OR1C1: variants seen among roughly 807,000 people sequenced by gnomAD.
The protein encoded by OR1C1 is olfactory receptor 1C1.
For missense variants in OR1C1, 407 were observed against 384.3 expected, an observed-to-expected ratio of 1.06 and a Z score of -0.49; for synonymous variants, 153 against 154.6, an observed-to-expected ratio of 0.99 and a Z score of 0.08.
Position 247,756,746 on chromosome 1 carries a change from C to G in OR1C1, c.*716G>C, listed in dbSNP as rs1302118677. The G allele has an allele frequency of 6.6e-6, 1 of 152,070 alleles. No homozygotes were observed. The highest frequency in any genetic ancestry group is 2.4e-5 in the African/African-American group (1 of 41,412). The allele number at this position is 152,070 out of a possible 1,614,324, so 9.4% of individuals were successfully genotyped here. A position where few individuals can be genotyped will look rare whatever the true frequency, so the allele number is the denominator to read the frequency against. On this transcript the variant is annotated 3_prime_UTR_variant, in exon 2 of 2. Transcript: ENST00000641256. The surrounding 1 kb of genome is among the most constrained non-coding windows in gnomAD (Gnocchi z 4.3). Reference sequence around the variant, plus strand: ...TTGTTTTGAAAGAAGTTAATGTATTCCCCATATGAAAAATGCAGCTGAGAA... The same window carrying G: ...TTGTTTTGAAAGAAGTTAATGTATTGCCCATATGAAAAATGCAGCTGAGAA...
At chr1:247,759,423 T>C (rs1661291429) in intron 1 of OR1C1, among the ~76,000 whole-genome samples, 1 of 152,212 alleles carries the variant, frequency 6.6e-6, no homozygotes, top group Non-Finnish European at 1.5e-5. Context: ...TCTGAGGCCT[T>C]TCTAGTCTTT....
intron 1 of OR1C1, 195 bp from the exon 2 acceptor site, chr1:247,758,614 G>A: frequency 2.0e-6 from 1 of 503,792 alleles, no homozygotes; most frequent in East Asian, 3.1e-5. Flanking sequence ...TAGTCACATA[G>A]ACATGCTGGA....
chr1:247,756,154 G>C lies in OR1C1; in HGVS notation c.*1308C>G, dbSNP rs1416843052. On this transcript the variant is annotated 3_prime_UTR_variant, in exon 2 of 2. Coordinates refer to ENST00000641256, the MANE Select transcript of OR1C1 (RefSeq NM_012353.3). The surrounding 1 kb of genome is among the most constrained non-coding windows in gnomAD (Gnocchi z 4.3). ...TTAAACTGTTATTTTAGATTCAGGG[G>C]TACATGTGCAGATTTGCACAGGTAA... 6.6e-6 allele frequency: 1 copy of C among 152,000 alleles called. No homozygotes were observed. The highest frequency in any genetic ancestry group is 1.9e-4 in the East Asian group (1 of 5,186). The allele number at this position is 152,000 out of a possible 1,614,324, so 9.4% of individuals were successfully genotyped here.
In OR1C1 at chr1:247,755,231, A is replaced by T. The variant is rs1374019782; in HGVS notation, c.*2231T>A. Reference sequence around the variant, plus strand: ...AACTAATAGAAGAAAGCACAGGGGGAAAGCTCTATGACATTGGTATGCATG... The same window carrying T: ...AACTAATAGAAGAAAGCACAGGGGGTAAGCTCTATGACATTGGTATGCATG... On this transcript the variant is annotated 3_prime_UTR_variant, in exon 2 of 2. Coordinates refer to ENST00000641256, the MANE Select transcript of OR1C1 (RefSeq NM_012353.3). 6.6e-6 allele frequency: 1 copy of T among 152,172 alleles called. No homozygotes were observed. The highest frequency in any genetic ancestry group is 1.5e-5 in the Non-Finnish European group (1 of 68,010). 9.4% of individuals were successfully genotyped at this position (152,172 alleles called of 1,614,324 possible).
chr1:247,758,763 G>T, intron 1 of OR1C1: 2 of 179,842 alleles, frequency 1.1e-5, no homozygotes, highest in East Asian at 1.4e-4. Context: ...TTATATATAA[G>T]GTTATTTGTT....
In OR1C1 at chr1:247,756,076, T is replaced by G. The variant is rs1371112320; in HGVS notation, c.*1386A>C. 1 of 152,210 alleles carries G rather than the reference T, an allele frequency of 6.6e-6. No individual in the cohort carries two copies. The allele number at this position is 152,210 out of a possible 1,614,324, so 9.4% of individuals were successfully genotyped here. A position where few individuals can be genotyped will look rare whatever the true frequency, so the allele number is the denominator to read the frequency against. On this transcript the variant is annotated 3_prime_UTR_variant, in exon 2 of 2. Transcript: ENST00000641256. The surrounding 1 kb of genome is among the most constrained non-coding windows in gnomAD (Gnocchi z 4.3). ...TTATTGGGTAAAACTGAAGTTACAA[T>G]TTACTTCACCAATGCTTTTATTTAT...
rs761878473 is a variant in OR1C1 at position 247,757,615 on chromosome 1, G to A, written c.792C>T (p.Ser264=). The A allele has an allele frequency of 1.5e-5, 24 of 1,613,988 alleles. No individual in the cohort carries two copies. Among genetic ancestry groups the A allele is most frequent in the Middle Eastern group, 1.6e-4 (1 of 6,084 alleles). ...GAGTGTCGCTCTCAGGCATATGGGG[G>A]GATGAAGGGCTGAAATAGACGGCGA... The part of the protein sequence containing the change: ...TAIAVYFSPS[S]PHMPESDTLS... Residue 264 remains serine (S), a synonymous_variant, in exon 2 of 2, where the codon TCC becomes TCT. Coordinates refer to ENST00000641256, the MANE Select transcript of OR1C1 (RefSeq NM_012353.3).
In OR1C1 at chr1:247,757,683, T is replaced by A; in HGVS notation, c.724A>T (p.Ser242Cys). ...QGKQRAVSTC[S>C]CHLSVVVLFY... is the part of the protein sequence containing the mutation. ...AACACCACCACTGACAGGTGGCAGC[T>A]GCAGGTGGAAACAGCTCTCTGCTTG... Residue 242 changes from serine to cysteine, a missense_variant, in exon 2 of 2, where the codon AGC (serine) becomes TGC (cysteine). Physicochemically the swap from Ser to Cys is moderately radical, Grantham distance 112. Coordinates refer to ENST00000641256, the MANE Select transcript of OR1C1 (RefSeq NM_012353.3). 2 of 1,614,018 alleles carry A rather than the reference T, an allele frequency of 1.2e-6. No homozygotes were observed. The highest frequency in any genetic ancestry group is 8.5e-7 in the Non-Finnish European group (1 of 1,179,980).
chr1:247,758,587 A>G lies in OR1C1; in HGVS notation c.-13-168T>C, dbSNP rs1661276930. 13 of 560,336 alleles carry G rather than the reference A, an allele frequency of 2.3e-5. No homozygotes were observed. In the South Asian group the frequency reaches 3.1e-4, roughly 14 times the overall value. The allele number at this position is 560,336 out of a possible 1,614,324, so 34.7% of individuals were successfully genotyped here. ...TGCTTTCCAATGACATCTTGTGTTC[A>G]TGATATTCTGTCTTCATAGTCACAT... On this transcript the variant is annotated intron_variant, in intron 1 of 1. Transcript: ENST00000641256.
Position 247,757,423 on chromosome 1 carries a change from TC to T in OR1C1, c.*38del, listed in dbSNP as rs1661229148. The T allele has an allele frequency of 2.0e-6, 3 of 1,471,864 alleles. No homozygotes were observed. In the East Asian group the frequency reaches 6.8e-5, roughly 34 times the overall value. The allele number at this position is 1,471,864 out of a possible 1,614,324, so 91.2% of individuals were successfully genotyped here. ...GTGAGCATCTAGTCACACTTTCTTATCACCACATTAGTATTATTTAATTCAG... is the reference window on the plus strand; with the variant it reads ...GTGAGCATCTAGTCACACTTTCTTATACCACATTAGTATTATTTAATTCAG... On this transcript the variant is annotated 3_prime_UTR_variant, in exon 2 of 2. Transcript: ENST00000641256.
Position 247,756,115 on chromosome 1 carries a change from G to A in OR1C1, c.*1347C>T, listed in dbSNP as rs1398760741. ...GCTTTTATTTATTTATTTATATTCTGAGAATCTACATTTTTAAACTGTTAT... is the reference window on the plus strand; with the variant it reads ...GCTTTTATTTATTTATTTATATTCTAAGAATCTACATTTTTAAACTGTTAT... On this transcript the variant is annotated 3_prime_UTR_variant, in exon 2 of 2. Transcript: ENST00000641256. The surrounding 1 kb of genome is among the most constrained non-coding windows in gnomAD (Gnocchi z 4.3). 6.6e-6 allele frequency: 1 copy of A among 152,032 alleles called. No individual in the cohort carries two copies. The highest frequency in any genetic ancestry group is 1.5e-5 in the Non-Finnish European group (1 of 68,000). 9.4% of individuals were successfully genotyped at this position (152,032 alleles called of 1,614,324 possible).
rs374719506 is a variant in OR1C1 at position 247,758,261 on chromosome 1, A to G, written c.146T>C (p.Ile49Thr). ...GGAATGGAGGTGAGAGTCAAAGCCA[A>G]TCGTCGCAATGATGAGCATGTTCCC... is the stretch of plus-strand genomic sequence containing the variant. ...TLGNMLIIATIGFDSHLHSPM... is the reference protein window; with the variant it reads ...TLGNMLIIATTGFDSHLHSPM... Residue 49 changes from isoleucine (I) to threonine (T), a missense_variant, in exon 2 of 2, where the codon ATT becomes ACT. By Grantham distance (89) the Ile-to-Thr change is moderately conservative. Coordinates refer to ENST00000641256, the MANE Select transcript of OR1C1 (RefSeq NM_012353.3). 7.7e-5 allele frequency: 125 copies of G among 1,614,040 alleles called. No individual in the cohort carries two copies. In the East Asian group the frequency reaches 1.2e-3, roughly 16 times the overall value.
chr1:247,757,927 A>G lies in OR1C1; in HGVS notation c.480T>C (p.Thr160=). The G allele has an allele frequency of 6.2e-7, 1 of 1,614,108 alleles. No homozygotes were observed. The highest frequency in any genetic ancestry group is 8.5e-7 in the Non-Finnish European group (1 of 1,179,994). Residue 160 remains threonine, a synonymous_variant, in exon 2 of 2, where the codon ACT becomes ACC. Transcript: ENST00000641256. ...LVTYLHALLH[T]VLIAQLSFCA... ...AGAAGGACAGCTGTGCTATTAGGAC[A>G]GTATGCAGGAGGGCGTGGAGGTAAG...
At position 247,755,113 on chromosome 1, in the gene OR1C1, G is replaced by A. The variant is rs1661187008; in HGVS notation, c.*2349C>T. 6.6e-6 allele frequency: 1 copy of A among 152,018 alleles called. No homozygotes were observed. Among genetic ancestry groups the A allele is most frequent in the Non-Finnish European group, 1.5e-5 (1 of 67,982 alleles). The allele number at this position is 152,018 out of a possible 1,614,324, so 9.4% of individuals were successfully genotyped here. A position where few individuals can be genotyped will look rare whatever the true frequency, so the allele number is the denominator to read the frequency against. On this transcript the variant is annotated 3_prime_UTR_variant, in exon 2 of 2. Transcript: ENST00000641256. ...TTTTAGAACAACTGAATATCCATAT[G>A]GAGATGAATGGAATTGGACCCTTAT...
At chr1:247,759,392 T>C (rs891224657) in intron 1 of OR1C1, among the ~76,000 whole-genome samples, 13 of 152,208 alleles carry the variant, frequency 8.5e-5, no homozygotes, top group Non-Finnish European at 1.8e-4. Flanking sequence ...TGTGATACCT[T>C]CCCAAACGTT....
Position 247,757,550 on chromosome 1 carries a change from T to C in OR1C1, c.857A>G (p.Asn286Ser). 6.2e-7 allele frequency: 1 copy of C among 1,614,058 alleles called. No individual in the cohort carries two copies. Among genetic ancestry groups the C allele is most frequent in the South Asian group, 1.1e-5 (1 of 91,090 alleles). The change falls in exon 2 of 2, where the codon AAT (asparagine) becomes AGT (serine). Residue 286 changes from asparagine to serine, a missense_variant. Transcript: ENST00000641256. ...IMYSMVAPMLNPFIYTLRNRD... is the reference protein window; with the variant it reads ...IMYSMVAPMLSPFIYTLRNRD... ...GTTCCTTAGGGTATAGATGAAAGGA[T>C]TCAGCATCGGAGCCACCATTGAATA...
rs143838295 is a variant in OR1C1, at chr1:247,756,436, A to C, written c.*1026T>G. On this transcript the variant is annotated 3_prime_UTR_variant, in exon 2 of 2. Coordinates refer to ENST00000641256, the MANE Select transcript of OR1C1 (RefSeq NM_012353.3). This position sits in a 1 kb window ranked among gnomAD's most constrained non-coding sequence, Gnocchi z 4.3. ...CACGTGTGTGTTTATAAGGTTTTAAATATTATACATGTGTTCGTTCAAGAA... is the reference window on the plus strand; with the variant it reads ...CACGTGTGTGTTTATAAGGTTTTAACTATTATACATGTGTTCGTTCAAGAA... 6.6e-6 allele frequency: 1 copy of C among 152,226 alleles called. No homozygotes were observed. Among genetic ancestry groups the C allele is most frequent in the Non-Finnish European group, 1.5e-5 (1 of 68,006 alleles). The allele number at this position is 152,226 out of a possible 1,614,324, so 9.4% of individuals were successfully genotyped here.
In OR1C1 at chr1:247,757,611, G is replaced by T. The variant is rs776276746; in HGVS notation, c.796C>A (p.His266Asn). Residue 266 changes from histidine (H) to asparagine (N), a missense_variant, in exon 2 of 2, where the codon CAT (histidine) becomes AAT (asparagine). His to Asn is a moderately conservative substitution (Grantham distance 68). Transcript: ENST00000641256. ...IAVYFSPSSP[H>N]MPESDTLSTI... is the part of the protein sequence containing the mutation. ...GACAGAGTGTCGCTCTCAGGCATAT[G>T]GGGGGATGAAGGGCTGAAATAGACG... is the stretch of plus-strand genomic sequence containing the variant. The T allele has an allele frequency of 2.5e-6, 4 of 1,613,920 alleles. No homozygotes were observed. The highest frequency in any genetic ancestry group is 2.7e-5 in the African/African-American group (2 of 74,900).
chr1:247,758,993 C>T (rs752130136), intron 1 of OR1C1, among the ~76,000 whole-genome samples: 5 of 151,922 alleles, frequency 3.3e-5, no homozygotes, highest in African/African-American at 1.2e-4. Flanking sequence ...TTGGTGGAGC[C>T]TCTGACTTGT....
Sources: allele counts gnomAD v4.1 joint callset (sites outside exome capture counted in the v4.1 genomes callset), GRCh38; gene constraint gnomAD v4.1.1; non-coding constraint Gnocchi (gnomAD v3.1); transcripts MANE v1.5; gene names NCBI Gene and HGNC (gene_info 2026-07-23, HGNC 2026-07-21).